SNX8: variants seen among roughly 807,000 people sequenced by gnomAD.
SNX8 encodes sorting nexin 8.
SNX8 carries 25 observed loss-of-function variants against 51.6 expected under a neutral mutation model. The ratio of observed to expected loss-of-function variants is 0.48; its 90% confidence interval spans 0.35 to 0.68. SNX8 has a LOEUF of 0.68. SNX8 is among the 30% of genes least tolerant of loss of function. SNX8 has a pLI of 0.00. For synonymous variants in SNX8, 324 were observed against 277.0 expected, an observed-to-expected ratio of 1.17 and a Z score of -1.68; for missense variants, 695 against 624.0, an observed-to-expected ratio of 1.11 and a Z score of -1.21.
intron 2 of SNX8, among the ~76,000 whole-genome samples, chr7:2,277,001 C>A (rs111495206): frequency 6.6e-6 from 1 of 152,242 alleles, no homozygotes; most frequent in African/African-American, 2.4e-5. Context: ...CTGCTCATGA[C>A]GCTTTTCAAA....
At chr7:2,295,005 T>G (rs1209720962) in intron 1 of SNX8, among the ~76,000 whole-genome samples, 1 of 152,064 alleles carries the variant, frequency 6.6e-6, no homozygotes, top group African/African-American at 2.4e-5. Context: ...CATTCCAACC[T>G]GGGTAACAGA....
chr7:2,313,269 T>C (rs1796695401), intron 1 of SNX8, among the ~76,000 whole-genome samples: 1 of 151,802 alleles, frequency 6.6e-6, no homozygotes, highest in African/African-American at 2.4e-5. Flanking sequence ...CTCACGCCTG[T>C]AATCCCAGCA....
chr7:2,311,909 C>G (rs1796665958), intron 1 of SNX8, among the ~76,000 whole-genome samples: 1 of 151,876 alleles, frequency 6.6e-6, no homozygotes, highest in Admixed American at 6.6e-5. Flanking sequence ...TGCACTCCAG[C>G]CTGGGCGACA....
At chr7:2,272,830 T>C (rs1490406621) in intron 3 of SNX8, among the ~76,000 whole-genome samples, 1 of 151,926 alleles carries the variant, frequency 6.6e-6, no homozygotes, top group Non-Finnish European at 1.5e-5. Context: ...CAAACAAAAA[T>C]GGTATTTAAA....
chr7:2,314,591 G>A, upstream of SNX8: 2 of 564,532 alleles, frequency 3.5e-6, no homozygotes, highest in Non-Finnish European at 4.6e-6. Context: ...GCCTCGCCAC[G>A]CCTACAACCC....
intron 6 of SNX8, among the ~76,000 whole-genome samples, 174 bp downstream of exon 6, chr7:2,264,124 G>C (rs919024839): frequency 6.6e-6 from 1 of 152,088 alleles, no homozygotes. Context: ...AAATTCTCCC[G>C]TGTTTCTTCC....
rs192467365 is a variant in SNX8 at position 2,328,923 on chromosome 7, A to C, written c.-66+25299T>G. Among the ~76,000 whole-genome samples, 731 of 152,206 alleles carry C rather than the reference A, an allele frequency of 4.8e-3. 4 individuals carry two copies. Among genetic ancestry groups the C allele is most frequent in the African/African-American group, 0.016 (682 of 41,540 alleles). ...ACATGGTGAAACCCCGTCTCTACTA[A>C]AAATACAAAAAAGTTAGCCGGGCGT... On this transcript the variant is annotated intron_variant, in intron 1 of 5. Transcript: ENST00000435336.
intron 3 of SNX8, 52 bp from the exon 4 acceptor site, chr7:2,272,023 C>A: frequency 6.2e-7 from 1 of 1,606,878 alleles, no homozygotes; most frequent in Non-Finnish European, 8.5e-7. Context: ...CGGCCCCCAT[C>A]TTCTGCTCTG....
rs148594447 is a variant in SNX8 at position 2,285,748 on chromosome 7, C to G, written c.95-7443G>C. Among the ~76,000 whole-genome samples the G allele has an allele frequency of 1.1e-3, 165 of 152,266 alleles. 1 individual carries two copies. In the East Asian group the frequency reaches 0.026, roughly 24 times the overall value. ...GTGGCACGATCACAGCTCACTGTTG[C>G]CAGGACCTCCTGGGCTCAAGCAATC... On this transcript the variant is annotated intron_variant, in intron 1 of 10. Transcript: ENST00000222990.
At chr7:2,278,337 A>C in intron 1 of SNX8, 32 bp from the exon 2 acceptor site, 3 of 1,353,808 alleles carry the variant, frequency 2.2e-6, no homozygotes, top group Non-Finnish European at 3.1e-6. Context: ...ACCAGTGAGA[A>C]TAGCTGCTCA....
chr7:2,345,621 T>C (rs1583128147), intron 1 of SNX8, among the ~76,000 whole-genome samples: 1 of 150,118 alleles, frequency 6.7e-6, no homozygotes, highest in South Asian at 2.1e-4. Context: ...GAGGATGCAG[T>C]GAGCCAAGAT....
intron 1 of SNX8, among the ~76,000 whole-genome samples, chr7:2,301,051 C>T (rs1413109788): frequency 1.3e-5 from 2 of 152,208 alleles, no homozygotes; most frequent in Admixed American, 6.5e-5. Context: ...TCTTTCATTA[C>T]GTCCTGTTTC....
intron 1 of SNX8, among the ~76,000 whole-genome samples, chr7:2,289,462 G>C (rs1796103830): frequency 6.6e-6 from 1 of 152,142 alleles, no homozygotes; most frequent in South Asian, 2.1e-4. Flanking sequence ...CCAACATTCA[G>C]CATTTTCCGT....
rs1357694770 is a variant in SNX8, at chr7:2,268,138, C to T, written c.621+1421G>A. 9.9e-5 allele frequency among the ~76,000 whole-genome samples: 14 copies of T among 141,472 alleles called. 1 individual carries two copies. The highest frequency in any genetic ancestry group is 3.7e-4 in the African/African-American group (14 of 37,542). The allele number at this position is 141,472 out of a possible 152,430, so 92.8% of individuals were successfully genotyped here. A position where few individuals can be genotyped will look rare whatever the true frequency, so the allele number is the denominator to read the frequency against. ...GTGGGGGGGTCAGCCCCCCGCCTGG[C>T]CAGCCGCCCCATCCGGGAGGGAGGT... On this transcript the variant is annotated intron_variant, in intron 5 of 10. Transcript: ENST00000222990.
chr7:2,270,291 C>CATCTG (rs1172584909), intron 4 of SNX8, among the ~76,000 whole-genome samples: 1 of 112,914 alleles, frequency 8.9e-6, no homozygotes, highest in Non-Finnish European at 1.7e-5. Context: ...CCTTAAAGAT[C>CATCTG]ATCTGACTCA....
intron 10 of SNX8, 150 bp downstream of exon 10, chr7:2,256,724 G>A (rs1293918881): frequency 9.0e-6 from 6 of 669,436 alleles, no homozygotes; most frequent in African/African-American, 3.7e-5. Context: ...AGATCCGGGC[G>A]AGCACCGTGT....
upstream of SNX8, among the ~76,000 whole-genome samples, chr7:2,319,048 CTG>C (rs2115222250): frequency 6.6e-6 from 1 of 151,720 alleles, no homozygotes; most frequent in East Asian, 1.9e-4. Context: ...CACTAAAAAA[CTG>C]TAAATTGGCC....
chr7:2,346,768 A>G (rs1271303615), intron 1 of SNX8, among the ~76,000 whole-genome samples: 1 of 150,026 alleles, frequency 6.7e-6, no homozygotes, highest in Non-Finnish European at 1.5e-5. Context: ...AAACAGAAAA[A>G]AATTAGCCAA....
At chr7:2,279,036 A>C (rs150289802) in intron 1 of SNX8, among the ~76,000 whole-genome samples, 1 of 1,404 alleles carries the variant, frequency 7.1e-4, no homozygotes. Context: ...ACGGAGTCGA[A>C]GCCGGACTCA....
Sources: allele counts gnomAD v4.1 joint callset (sites outside exome capture counted in the v4.1 genomes callset), GRCh38; gene constraint gnomAD v4.1.1; transcripts MANE v1.5; gene names NCBI Gene and HGNC (gene_info 2026-07-23, HGNC 2026-07-21).